Variants in AMBP observed in about 807,000 individuals in gnomAD.
AMBP encodes the protein alpha-1-microglobulin/bikunin precursor.
In AMBP, 37 loss-of-function variants were observed where a neutral mutation model predicts 46.3. The observed-to-expected ratio is 0.80, with a 90% confidence interval of 0.61 to 1.05. The LOEUF (loss-of-function observed/expected upper bound fraction) is 1.05, where lower values mean the gene tolerates loss of function less well. AMBP is among the 50% of genes least tolerant of loss of function. The pLI is 0.00. For synonymous variants in AMBP, 174 were observed against 175.9 expected (o/e 0.99, Z 0.09); for missense variants, 475 against 461.2 (o/e 1.03, Z -0.27).
intron 3 of AMBP, 72 bp downstream of exon 3, chr9:114,074,888 G>A (rs1846788606): frequency 3.0e-6 from 4 of 1,347,590 alleles, no homozygotes; most frequent in Non-Finnish European, 4.2e-6. Context: ...TACAGAGGCA[G>A]AGGGAGCTGA....
chr9:114,078,102 A>G lies in AMBP; in HGVS notation c.108T>C (p.Asn36=), dbSNP rs773084386. ...AGAGCGGCAGCCTTACCCGAGAGAT[A>G]TTGAAGTTTTCCTGCACTTGGATGT... ...PDNIQVQENF[N]ISRIYGKWYN... Residue 36 remains asparagine, a synonymous_variant, in exon 1 of 10, where the codon AAT becomes AAC. Coordinates refer to ENST00000265132, the MANE Select transcript of AMBP (RefSeq NM_001633.4). 2.5e-6 allele frequency: 4 copies of G among 1,613,866 alleles called. No individual in the cohort carries two copies. The highest frequency in any genetic ancestry group is 1.3e-5 in the African/African-American group (1 of 74,922).
chr9:114,077,417 C>T (rs1006927639), intron 1 of AMBP: 1 of 152,974 alleles, frequency 6.5e-6, no homozygotes, highest in Admixed American at 6.5e-5. Flanking sequence ...GGAGACAGCC[C>T]CAGGTGGGCA....
chr9:114,069,664 T>A, intron 6 of AMBP, 35 bp downstream of exon 6: 1 of 967,290 alleles, frequency 1.0e-6, no homozygotes, highest in Non-Finnish European at 1.5e-6. Context: ...TGGGGTGGGA[T>A]GGGGTGGGAT....
intron 6 of AMBP, 124 bp downstream of exon 6, chr9:114,069,575 G>A (rs1485984762): frequency 4.3e-6 from 4 of 925,350 alleles, no homozygotes; most frequent in East Asian, 5.3e-5. Flanking sequence ...CATGGCCATC[G>A]CTGCCTTCTC....
chr9:114,078,007 A>G, intron 1 of AMBP, 86 bp downstream of exon 1: 1 of 1,351,194 alleles, frequency 7.4e-7, no homozygotes, highest in Non-Finnish European at 1.1e-6. Context: ...TGAGACCCCG[A>G]GACAGGCCGC....
At chr9:114,071,719 C>T (rs1690241733) in intron 5 of AMBP, among the ~76,000 whole-genome samples, 1 of 152,342 alleles carries the variant, frequency 6.6e-6, no homozygotes, top group Non-Finnish European at 1.5e-5. Context: ...CCCATAAAAA[C>T]CCCAGACTCA....
In AMBP at chr9:114,073,032, A is replaced by T; in HGVS notation, c.455-6T>A. ...CCTCAGCTGCGGCGCCCGCCCTGCA[A>T]GGAGGAAGCAGAGGAGACGCCTAGA... is the stretch of plus-strand genomic sequence containing the variant. On this transcript the variant is annotated splice_region_variant and splice_polypyrimidine_tract_variant and intron_variant, in intron 4 of 9. Transcript: ENST00000265132. 6.2e-7 allele frequency: 1 copy of T among 1,611,606 alleles called. No individual in the cohort carries two copies. Among genetic ancestry groups the T allele is most frequent in the Non-Finnish European group, 8.5e-7 (1 of 1,178,826 alleles).
intron 2 of AMBP, among the ~76,000 whole-genome samples, chr9:114,076,251 G>T (rs1056015605): frequency 6.6e-6 from 1 of 151,722 alleles, no homozygotes; most frequent in Non-Finnish European, 1.5e-5. Context: ...AGGTTGGGGG[G>T]GATTTAGGAG....
chr9:114,069,551 C>CT, intron 6 of AMBP, 148 bp downstream of exon 6: 2 of 739,738 alleles, frequency 2.7e-6, no homozygotes, highest in African/African-American at 1.7e-5. Context: ...CCCAGTGAGT[C>CT]TGACTTCAAC....
intron 3 of AMBP, 140 bp from the exon 4 acceptor site, chr9:114,074,292 A>T (rs905985346): frequency 3.3e-5 from 22 of 660,284 alleles, no homozygotes; most frequent in Middle Eastern, 3.5e-4. Flanking sequence ...TCCATTTATC[A>T]ATTCATCCAT....
At chr9:114,064,402 TTAA>T (rs914399549) in intron 6 of AMBP, among the ~76,000 whole-genome samples, 13 of 152,088 alleles carry the variant, frequency 8.5e-5, no homozygotes, top group Admixed American at 7.2e-4. Flanking sequence ...ACAATTTTTT[TTAA>T]AAAAAATAAA....
chr9:114,066,934 T>G (rs745443402), intron 6 of AMBP, among the ~76,000 whole-genome samples: 3 of 152,034 alleles, frequency 2.0e-5, no homozygotes, highest in Non-Finnish European at 2.9e-5. Flanking sequence ...CCAGGATGTG[T>G]TGTTATTATT....
At chr9:114,060,824 G>T in intron 9 of AMBP, 101 bp downstream of exon 9, 1 of 1,348,600 alleles carries the variant, frequency 7.4e-7, no homozygotes, top group Non-Finnish European at 1.0e-6. Context: ...CAGGTACAGA[G>T]TCCAGAACTC....
In AMBP at chr9:114,076,734, C is replaced by A. The variant is rs779133060; in HGVS notation, c.124G>T (p.Gly42Trp). The change falls in exon 2 of 10, where the codon GGG becomes TGG. Residue 42 changes from glycine to tryptophan, a missense_variant. Gly to Trp is a radical substitution (Grantham distance 184). Around this residue, in one of 3 missense-constraint regions of AMBP, gnomAD observed 179 missense variants for 167.4 expected, o/e 1.07. Coordinates refer to ENST00000265132, the MANE Select transcript of AMBP (RefSeq NM_001633.4). ...QENFNISRIY[G>W]KWYNLAIGST... is the part of the protein sequence containing the mutation. ...CCGATGGCCAGGTTGTACCACTTCC[C>A]ATAGATCTAGGAGGCAGGTGAGCTC... The A allele has an allele frequency of 3.7e-6, 6 of 1,613,986 alleles. No homozygotes were observed. The South Asian group carries it at 6.6e-5, about 18-fold the overall frequency.
Position 114,069,750 on chromosome 9 carries a change from G to A in AMBP, c.557-5C>T, listed in dbSNP as rs754284382. The A allele has an allele frequency of 4.3e-6, 7 of 1,614,114 alleles. No individual in the cohort carries two copies. Among genetic ancestry groups the A allele is most frequent in the Non-Finnish European group, 5.9e-6 (7 of 1,180,022 alleles). On this transcript the variant is annotated splice_region_variant and splice_polypyrimidine_tract_variant and intron_variant, in intron 5 of 9. Coordinates refer to ENST00000265132, the MANE Select transcript of AMBP (RefSeq NM_001633.4). ...GCTCCCCAGGGACACATTCACCTAG[G>A]TCACAGAGCAGGAGAGAGGAGTGAA...
intron 1 of AMBP, 132 bp from the exon 2 acceptor site, chr9:114,076,872 G>A (rs1846818540): frequency 7.6e-6 from 9 of 1,184,558 alleles, no homozygotes; most frequent in Non-Finnish European, 1.1e-5. Flanking sequence ...ATCCTTTTAA[G>A]GGATAATGTC....
chr9:114,064,337 T>C (rs558287085), intron 6 of AMBP, among the ~76,000 whole-genome samples: 1 of 151,920 alleles, frequency 6.6e-6, no homozygotes, highest in South Asian at 2.1e-4. Flanking sequence ...AAATATAGAG[T>C]TTTACAATAA....
chr9:114,068,051 C>T (rs1297436798), intron 6 of AMBP, among the ~76,000 whole-genome samples: 1 of 152,132 alleles, frequency 6.6e-6, no homozygotes, highest in Non-Finnish European at 1.5e-5. Flanking sequence ...GGAATGGTAT[C>T]GATCTAGACA....
Position 114,073,034 on chromosome 9 carries a change from G to A in AMBP, c.455-8C>T, listed in dbSNP as rs372185723. ...TCAGCTGCGGCGCCCGCCCTGCAAG[G>A]AGGAAGCAGAGGAGACGCCTAGAAC... On this transcript the variant is annotated splice_region_variant and splice_polypyrimidine_tract_variant and intron_variant, in intron 4 of 9. Coordinates refer to ENST00000265132, the MANE Select transcript of AMBP (RefSeq NM_001633.4). 9.3e-6 allele frequency: 15 copies of A among 1,610,388 alleles called. No homozygotes were observed. The highest frequency in any genetic ancestry group is 1.3e-5 in the African/African-American group (1 of 74,838).
Sources: gnomAD v4.1 joint callset for allele counts (sites outside exome capture counted in the v4.1 genomes callset) on GRCh38, gnomAD v4.1.1 for gene constraint, gnomAD v4.1.1 regional missense constraint, MANE v1.5 for transcripts, NCBI Gene and HGNC (gene_info 2026-07-23, HGNC 2026-07-21) for gene names.